FARS2: variants seen among roughly 807,000 people sequenced by gnomAD.
The protein encoded by FARS2 is phenylalanine--tRNA ligase, mitochondrial.
FARS2 carries 40 observed loss-of-function variants against 46.4 expected under a neutral mutation model. That is an observed-to-expected ratio of 0.86 (90% CI 0.67 to 1.12). The LOEUF is 1.12. Ranked by LOEUF, FARS2 falls within the 50% of genes most tolerant of loss-of-function variation. FARS2 has a pLI of 0.00. For synonymous variants in FARS2, 234 were observed against 214.9 expected (o/e 1.09, Z -0.78); for missense variants, 513 against 567.9 (o/e 0.90, Z 0.98).
At chr6:5,261,030 C>T (rs116670419), upstream of FARS2, 180,532 of 928,136 alleles carry the variant, frequency 0.19, 18,994 homozygotes, top group African/African-American at 0.38. Flanking sequence ...GGCTCGGGAC[C>T]CAGCAGCCGC....
At chr6:5,596,596 C>T (rs374803633) in intron 5 of FARS2, among the ~76,000 whole-genome samples, 7 of 152,152 alleles carry the variant, frequency 4.6e-5, no homozygotes, top group South Asian at 2.1e-4. Flanking sequence ...ATAGCCTCAG[C>T]GACATTGCAT....
At chr6:5,633,793 T>G (rs912378960) in intron 6 of FARS2, among the ~76,000 whole-genome samples, 1 of 152,236 alleles carries the variant, frequency 6.6e-6, no homozygotes, top group Non-Finnish European at 1.5e-5. Context: ...GTTAATCATT[T>G]GTATTCCTCT....
chr6:5,550,692 C>T (rs1771320630), intron 5 of FARS2, among the ~76,000 whole-genome samples: 1 of 152,168 alleles, frequency 6.6e-6, no homozygotes. Context: ...TCTTTTGTCC[C>T]TCTCAATTCC....
At chr6:5,267,615 G>T (rs1199232594) in intron 1 of FARS2, among the ~76,000 whole-genome samples, 1 of 152,012 alleles carries the variant, frequency 6.6e-6, no homozygotes, top group Non-Finnish European at 1.5e-5. Flanking sequence ...TTAGCCGGAT[G>T]TGGTGGTGGG....
At chr6:5,763,928 C>T (rs1191820001) in intron 6 of FARS2, among the ~76,000 whole-genome samples, 1 of 152,076 alleles carries the variant, frequency 6.6e-6, no homozygotes, top group African/African-American at 2.4e-5. Flanking sequence ...GGGAAGGAAT[C>T]TCTTCCCATC....
intron 5 of FARS2, among the ~76,000 whole-genome samples, chr6:5,587,303 ACC>A (rs1773671091): frequency 2.0e-5 from 3 of 152,228 alleles, no homozygotes; most frequent in African/African-American, 7.2e-5. Context: ...TGTTAGAGTC[ACC>A]GTTCATAGAA....
chr6:5,397,250 G>A (rs985191176), intron 2 of FARS2, among the ~76,000 whole-genome samples: 2 of 152,116 alleles, frequency 1.3e-5, no homozygotes, highest in Admixed American at 1.3e-4. Context: ...AAAACACAAA[G>A]CTAGGGAAAC....
At chr6:5,629,104 G>A (rs2150714384) in intron 6 of FARS2, among the ~76,000 whole-genome samples, 1 of 152,318 alleles carries the variant, frequency 6.6e-6, no homozygotes, top group East Asian at 1.9e-4. Context: ...CTGTTCCAGG[G>A]ATCACAGGAT....
At chr6:5,307,414 T>G (rs1160093548) in intron 1 of FARS2, among the ~76,000 whole-genome samples, 1 of 152,210 alleles carries the variant, frequency 6.6e-6, no homozygotes, top group Non-Finnish European at 1.5e-5. Flanking sequence ...TTGGGATATT[T>G]TTTCAGAGTA....
At chr6:5,536,091 G>A (rs1366929202) in intron 4 of FARS2, among the ~76,000 whole-genome samples, 4 of 134,494 alleles carry the variant, frequency 3.0e-5, no homozygotes, top group South Asian at 2.2e-4. Flanking sequence ...TCACTCTGTC[G>A]CCCAGGCTGG....
intron 6 of FARS2, among the ~76,000 whole-genome samples, chr6:5,682,397 G>GT (rs2150836486): frequency 6.6e-6 from 1 of 152,246 alleles, no homozygotes; most frequent in African/African-American, 2.4e-5. Flanking sequence ...CAAGACCCTT[G>GT]TATTTTTTTA....
At chr6:5,434,825 GAGAACTTCCA>G (rs1763429376) in intron 4 of FARS2, among the ~76,000 whole-genome samples, 1 of 151,884 alleles carries the variant, frequency 6.6e-6, no homozygotes, top group Non-Finnish European at 1.5e-5. Context: ...TCTTTTAAAA[GAGAACTTCCA>G]AGAAACAATA....
intron 4 of FARS2, among the ~76,000 whole-genome samples, chr6:5,476,856 A>G (rs186880366): frequency 1.8e-4 from 28 of 152,168 alleles, no homozygotes; most frequent in Non-Finnish European, 7.4e-5. Flanking sequence ...TATTGGGAGG[A>G]ATAGGATGTA....
chr6:5,457,505 A>G (rs919677592), intron 4 of FARS2, among the ~76,000 whole-genome samples: 8 of 152,194 alleles, frequency 5.3e-5, no homozygotes, highest in African/African-American at 1.9e-4. Context: ...GACTGTTATC[A>G]TAATCTCCTG....
chr6:5,756,202 G>C (rs1219855052), intron 6 of FARS2, among the ~76,000 whole-genome samples: 2 of 152,180 alleles, frequency 1.3e-5, no homozygotes, highest in African/African-American at 2.4e-5. Context: ...ACAGCATTGG[G>C]CACTTACTGC....
rs560448522 is a variant in FARS2, at chr6:5,397,335, G to A, written c.613-7207G>A. On this transcript the variant is annotated intron_variant, in intron 2 of 6. Coordinates refer to ENST00000274680, the MANE Select transcript of FARS2 (RefSeq NM_006567.5). The stretch of plus-strand genomic sequence containing the variant: ...TTGGCTGAGCGTAGAAGATTTTTAG[G>A]GCACTGAAAACACTGTGTGATACTA... Among the ~76,000 whole-genome samples, 3 of 152,262 alleles carry A rather than the reference G, an allele frequency of 2.0e-5. No individual in the cohort carries two copies. The East Asian group carries it at 5.8e-4, about 29-fold the overall frequency.
the FARS2 span, among the ~76,000 whole-genome samples, chr6:5,254,938 C>T: frequency 6.6e-6 from 1 of 152,160 alleles, no homozygotes; most frequent in South Asian, 2.1e-4. Context: ...TTACGCACTT[C>T]TGATTCATGT....
chr6:5,431,755 T>C (rs1045320557), intron 4 of FARS2: 19 of 514,046 alleles, frequency 3.7e-5, no homozygotes, highest in Non-Finnish European at 7.2e-5. Flanking sequence ...GAAAGATCTG[T>C]CTGGCTCTTT....
intron 1 of FARS2, among the ~76,000 whole-genome samples, chr6:5,350,409 A>G (rs1466990786): frequency 2.0e-5 from 3 of 152,154 alleles, no homozygotes; most frequent in Non-Finnish European, 2.9e-5. Flanking sequence ...CAGTAGGATC[A>G]CTTTAACTGA....
Sources: gnomAD v4.1 joint callset for allele counts (sites outside exome capture counted in the v4.1 genomes callset) on GRCh38, gnomAD v4.1.1 for gene constraint, MANE v1.5 for transcripts, NCBI Gene and HGNC (gene_info 2026-07-23, HGNC 2026-07-21) for gene names.